Variants in CCDC181 observed in about 807,000 individuals in gnomAD.
CCDC181 encodes coiled-coil domain containing 181.
In CCDC181, 35 loss-of-function variants were observed where a neutral mutation model predicts 58.7. The observed-to-expected ratio is 0.60, with a 90% confidence interval of 0.46 to 0.79. The LOEUF is 0.79. Among genes scored for constraint, CCDC181 ranks in the 30% least tolerant of loss-of-function variants. The probability of loss-of-function intolerance (pLI) is 0.00; values close to 1 mark genes in which losing one functional copy is unlikely to be tolerated. For synonymous variants in CCDC181, 183 were observed against 197.5 expected (o/e 0.93, Z 0.62); for missense variants, 517 against 583.9 (o/e 0.89, Z 1.18).
intron 4 of CCDC181, among the ~76,000 whole-genome samples, chr1:169,413,342 G>A (rs1656062392): frequency 6.6e-6 from 1 of 152,176 alleles, no homozygotes; most frequent in South Asian, 2.1e-4. Flanking sequence ...CAGTTAGAAT[G>A]GCGATCATTA....
chr1:169,408,681 G>A (rs908046079), intron 4 of CCDC181, among the ~76,000 whole-genome samples: 1 of 152,192 alleles, frequency 6.6e-6, no homozygotes, highest in Non-Finnish European at 1.5e-5. Context: ...AAAGCTTCCA[G>A]AGGAAGGAAC....
intron 1 of CCDC181, chr1:169,459,943 G>A (rs2101766366): frequency 6.6e-6 from 1 of 150,766 alleles, no homozygotes; most frequent in South Asian, 2.1e-4. Flanking sequence ...GGAGGCGGAG[G>A]GGAAGCAGGA....
At chr1:169,405,125 G>C (rs1655578170) in intron 4 of CCDC181, among the ~76,000 whole-genome samples, 1 of 152,124 alleles carries the variant, frequency 6.6e-6, no homozygotes, top group African/African-American at 2.4e-5. Flanking sequence ...CCTCTTCAAG[G>C]AGAACTACAA....
At chr1:169,428,079 C>T (rs1656792209), upstream of CCDC181, among the ~76,000 whole-genome samples, 1 of 152,028 alleles carries the variant, frequency 6.6e-6, no homozygotes, top group Non-Finnish European at 1.5e-5. Flanking sequence ...CCAGTGTGTT[C>T]GGATTATTTT....
intron 4 of CCDC181, among the ~76,000 whole-genome samples, chr1:169,413,788 AT>A (rs1367758594): frequency 1.3e-5 from 2 of 150,244 alleles, no homozygotes; most frequent in African/African-American, 4.9e-5. Context: ...CAAACACTGC[AT>A]GTTCTCACTC....
At chr1:169,430,199 T>C (rs1656874893), upstream of CCDC181, among the ~76,000 whole-genome samples, 2 of 152,204 alleles carry the variant, frequency 1.3e-5, no homozygotes, top group African/African-American at 2.4e-5. Flanking sequence ...TATAGCCTTG[T>C]AGTATAGTTT....
intron 4 of CCDC181, among the ~76,000 whole-genome samples, chr1:169,412,537 A>AT (rs1448661924): frequency 1.3e-5 from 2 of 152,192 alleles, no homozygotes; most frequent in African/African-American, 4.8e-5. Flanking sequence ...TAAAGTTCAT[A>AT]TGGAACAAAA....
chr1:169,422,307 A>G lies in CCDC181; in HGVS notation c.124T>C (p.Cys42Arg). 2.0e-6 allele frequency: 3 copies of G among 1,530,876 alleles called. No homozygotes were observed. Among genetic ancestry groups the G allele is most frequent in the Non-Finnish European group, 2.7e-6 (3 of 1,130,860 alleles). The allele number at this position is 1,530,876 out of a possible 1,614,324, so 94.8% of individuals were successfully genotyped here. Residue 42 changes from cysteine (C) to arginine (R), a missense_variant, in exon 3 of 6, where the codon TGT becomes CGT. Physicochemically the swap from Cys to Arg is radical, Grantham distance 180. Coordinates refer to ENST00000367806, the MANE Select transcript of CCDC181 (RefSeq NM_001300969.2). ...KSDASIIEMA[C>R]EKEENINQDL... ...TGGTTAATATTCTCTTCCTTCTCAC[A>G]AGCCATCTAAAAACAAGATATTTTT...
At chr1:169,404,088 T>C (rs1051183457) in intron 4 of CCDC181, among the ~76,000 whole-genome samples, 1 of 152,134 alleles carries the variant, frequency 6.6e-6, no homozygotes, top group African/African-American at 2.4e-5. Context: ...CCTGGACACA[T>C]ACACCCTCCC....
At chr1:169,411,432 G>T (rs1170220229) in intron 4 of CCDC181, among the ~76,000 whole-genome samples, 1 of 152,152 alleles carries the variant, frequency 6.6e-6, no homozygotes, top group African/African-American at 2.4e-5. Flanking sequence ...GGACCAGACA[G>T]ATTCACAGCT....
chr1:169,454,864 T>C (rs1001443890), intron 2 of CCDC181, among the ~76,000 whole-genome samples: 3 of 152,006 alleles, frequency 2.0e-5, no homozygotes, highest in Admixed American at 6.6e-5. Context: ...TTATCCATTA[T>C]GTGTGTTATT....
At chr1:169,407,766 C>T (rs1655743939) in intron 4 of CCDC181, among the ~76,000 whole-genome samples, 1 of 152,168 alleles carries the variant, frequency 6.6e-6, no homozygotes. Flanking sequence ...ACAGTGGGTG[C>T]AACCCACAGA....
At chr1:169,397,563 T>C (rs1431859869) in intron 4 of CCDC181, among the ~76,000 whole-genome samples, 172 bp from the exon 5 acceptor site, 9 of 152,220 alleles carry the variant, frequency 5.9e-5, no homozygotes, top group Non-Finnish European at 1.0e-4. Context: ...GCTTAAGTTT[T>C]AAGAATATCT....
At chr1:169,435,540 G>A (rs1046573322) in intron 2 of CCDC181, among the ~76,000 whole-genome samples, 1 of 152,084 alleles carries the variant, frequency 6.6e-6, no homozygotes, top group Non-Finnish European at 1.5e-5. Context: ...GCCTGTAGAA[G>A]ATTTTAATTT....
chr1:169,423,502 C>A (rs1170604696), intron 2 of CCDC181, among the ~76,000 whole-genome samples: 1 of 151,948 alleles, frequency 6.6e-6, no homozygotes, highest in Non-Finnish European at 1.5e-5. Flanking sequence ...GTGTCTCTAG[C>A]TCAGTCATCC....
chr1:169,410,424 C>T (rs1436023842), intron 4 of CCDC181, among the ~76,000 whole-genome samples: 1 of 152,128 alleles, frequency 6.6e-6, no homozygotes, highest in Admixed American at 6.5e-5. Context: ...GAGACTTAGA[C>T]ACCCACACAA....
Position 169,424,818 on chromosome 1 carries a change from A to T in CCDC181, c.110T>A (p.Ile37Lys). The change falls in exon 2 of 6, where the codon ATA (isoleucine) becomes AAA (lysine). Residue 37 changes from isoleucine (I) to lysine (K), a missense_variant. Transcript: ENST00000367806. ...INENEKSDAS[I>K]IEMACEKEEN... ...GCTGTTGGCAATATATACCTCTATTATGCTGGCATCACTTTTTTCATTTTC... is the reference window on the plus strand; with the variant it reads ...GCTGTTGGCAATATATACCTCTATTTTGCTGGCATCACTTTTTTCATTTTC... The T allele has an allele frequency of 6.4e-7, 1 of 1,560,246 alleles. No individual in the cohort carries two copies. The highest frequency in any genetic ancestry group is 8.8e-7 in the Non-Finnish European group (1 of 1,135,008).
chr1:169,411,909 C>A (rs568492893), intron 4 of CCDC181, among the ~76,000 whole-genome samples: 40 of 152,258 alleles, frequency 2.6e-4, no homozygotes, highest in African/African-American at 9.6e-4. Context: ...ATGACAAATC[C>A]ATAGCCAATA....
chr1:169,417,159 A>C (rs1169020784), intron 4 of CCDC181, among the ~76,000 whole-genome samples: 3 of 152,146 alleles, frequency 2.0e-5, no homozygotes, highest in Admixed American at 2.0e-4. Flanking sequence ...GTATCCTACA[A>C]TTTAATCCGA....
Sources: gnomAD v4.1 joint callset for allele counts (sites outside exome capture counted in the v4.1 genomes callset) on GRCh38, gnomAD v4.1.1 for gene constraint, MANE v1.5 for transcripts, NCBI Gene and HGNC (gene_info 2026-07-23, HGNC 2026-07-21) for gene names.